The following MIS18A variants were observed in gnomAD, a reference collection of about 807,000 sequenced individuals.
MIS18A encodes the protein protein Mis18-alpha.
In MIS18A, 14 loss-of-function variants were observed where a neutral mutation model predicts 25.0. The ratio of observed to expected loss-of-function variants is 0.56; its 90% CI spans 0.37 to 0.88. MIS18A has a LOEUF of 0.88. Among genes scored for constraint, MIS18A ranks in the 40% least tolerant of loss-of-function variants. The pLI, the probability that MIS18A is intolerant of heterozygous loss-of-function variation, is 0.00. For synonymous variants in MIS18A, 134 were observed against 118.6 expected (o/e 1.13, Z -0.84); for missense variants, 292 against 290.8 (o/e 1.00, Z -0.03).
At chr21:32,188,193 T>C in the MIS18A span, among the ~76,000 whole-genome samples, 1 of 152,248 alleles carries the variant, frequency 6.6e-6, no homozygotes, top group Non-Finnish European at 1.5e-5. Flanking sequence ...CAATCTGTGG[T>C]ATTCTGCATT....
At chr21:32,239,697 C>T in the MIS18A span, among the ~76,000 whole-genome samples, 2 of 152,080 alleles carry the variant, frequency 1.3e-5, no homozygotes, top group Admixed American at 6.5e-5. Context: ...AGAAGAGCCA[C>T]GAGAAAGAAA....
the MIS18A span, among the ~76,000 whole-genome samples, chr21:32,187,953 T>G: frequency 6.6e-6 from 1 of 152,048 alleles, no homozygotes; most frequent in Admixed American, 6.6e-5. Context: ...CGGGCCCCCA[T>G]GATGAGATCA....
chr21:32,155,451 A>G, the MIS18A span, among the ~76,000 whole-genome samples: 2 of 152,218 alleles, frequency 1.3e-5, no homozygotes, highest in Non-Finnish European at 2.9e-5. Flanking sequence ...GGAGATTCCT[A>G]TCTCTGGTCT....
the MIS18A span, among the ~76,000 whole-genome samples, chr21:32,170,590 T>C: frequency 6.6e-6 from 1 of 151,600 alleles, no homozygotes; most frequent in Admixed American, 6.6e-5. Flanking sequence ...ACATAAGGAA[T>C]AGAAAGGGGA....
the MIS18A span, among the ~76,000 whole-genome samples, chr21:32,201,332 C>T: frequency 1.3e-5 from 2 of 151,974 alleles, no homozygotes; most frequent in Non-Finnish European, 2.9e-5. Flanking sequence ...GGAAAAAAAA[C>T]AAAATACACT....
chr21:32,218,397 ATTC>A, the MIS18A span, among the ~76,000 whole-genome samples: 1 of 152,148 alleles, frequency 6.6e-6, no homozygotes, highest in Non-Finnish European at 1.5e-5. Flanking sequence ...GAATAAATGT[ATTC>A]TTCTTTGTGT....
At chr21:32,162,937 G>A in the MIS18A span, among the ~76,000 whole-genome samples, 1 of 152,148 alleles carries the variant, frequency 6.6e-6, no homozygotes, top group Non-Finnish European at 1.5e-5. Flanking sequence ...AAGGACCTTA[G>A]AGTGAAGAAT....
the MIS18A span, among the ~76,000 whole-genome samples, chr21:32,202,307 A>G: frequency 6.6e-6 from 1 of 151,940 alleles, no homozygotes; most frequent in Non-Finnish European, 1.5e-5. Flanking sequence ...AAAAAAACAG[A>G]AAAGAAAAGA....
chr21:32,209,445 C>A, the MIS18A span, among the ~76,000 whole-genome samples: 6 of 152,064 alleles, frequency 3.9e-5, no homozygotes, highest in Admixed American at 3.9e-4. Context: ...TTCCACAAGC[C>A]CAAATTATTA....
the MIS18A span, among the ~76,000 whole-genome samples, chr21:32,185,856 A>G: frequency 6.6e-6 from 1 of 152,082 alleles, no homozygotes; most frequent in Non-Finnish European, 1.5e-5. Context: ...TCACTTGGCA[A>G]CCATGCACCG....
the MIS18A span, among the ~76,000 whole-genome samples, chr21:32,166,966 T>C: frequency 6.6e-6 from 1 of 152,194 alleles, no homozygotes; most frequent in Non-Finnish European, 1.5e-5. Context: ...ATTTGGATGA[T>C]GGGCTCGAGA....
the MIS18A span, among the ~76,000 whole-genome samples, chr21:32,237,997 C>T: frequency 1.3e-5 from 2 of 152,122 alleles, no homozygotes; most frequent in African/African-American, 4.8e-5. Flanking sequence ...TCAGTAATGC[C>T]TCCCCTTATG....
the MIS18A span, among the ~76,000 whole-genome samples, chr21:32,204,721 T>A: frequency 2.0e-5 from 3 of 151,832 alleles, no homozygotes; most frequent in South Asian, 6.2e-4. Context: ...ACCCTGTCTC[T>A]ATCAAAAATA....
chr21:32,262,694 G>C, the MIS18A span, among the ~76,000 whole-genome samples: 1 of 152,138 alleles, frequency 6.6e-6, no homozygotes, highest in Admixed American at 6.5e-5. Flanking sequence ...AATTAGATAA[G>C]AGAAGAACTA....
the MIS18A span, among the ~76,000 whole-genome samples, chr21:32,195,817 C>T: frequency 6.6e-6 from 1 of 151,896 alleles, no homozygotes; most frequent in Admixed American, 6.6e-5. Context: ...GTCAGGAGTT[C>T]GAGACCAGCC....
the MIS18A span, among the ~76,000 whole-genome samples, chr21:32,179,439 GCACA>G: frequency 5.3e-5 from 8 of 149,864 alleles, no homozygotes; most frequent in African/African-American, 2.0e-4. Flanking sequence ...ATGCACACAT[GCACA>G]CACACACACA....
downstream of MIS18A, among the ~76,000 whole-genome samples, chr21:32,266,421 C>CCA (rs2031601708): frequency 6.6e-6 from 1 of 152,138 alleles, no homozygotes; most frequent in South Asian, 2.1e-4. Context: ...GGGTCCCCTT[C>CCA]CACACTGTGG....
chr21:32,272,753 T>C (rs2031736418), intron 2 of MIS18A, among the ~76,000 whole-genome samples: 1 of 152,264 alleles, frequency 6.6e-6, no homozygotes, highest in Non-Finnish European at 1.5e-5. Flanking sequence ...AATTTTGAGT[T>C]GATTTAATTT....
At chr21:32,255,285 CG>C in the MIS18A span, among the ~76,000 whole-genome samples, 12 of 150,944 alleles carry the variant, frequency 7.9e-5, no homozygotes, top group Non-Finnish European at 1.6e-4. Context: ...GGGTAGAGTG[CG>C]GTGATGTAAT....
Sources: gnomAD v4.1 joint callset for allele counts (sites outside exome capture counted in the v4.1 genomes callset) on GRCh38, gnomAD v4.1.1 for gene constraint, MANE v1.5 for transcripts, NCBI Gene and HGNC (gene_info 2026-07-23, HGNC 2026-07-21) for gene names.